Variants in TFEC observed in about 807,000 individuals in gnomAD.
The protein encoded by TFEC is class E basic helix-loop-helix protein 34.
TFEC carries 31 observed loss-of-function variants against 41.6 expected under a neutral mutation model. That is an observed-to-expected ratio of 0.74 (90% CI 0.56 to 1.01). TFEC has a LOEUF of 1.01. TFEC is among the 50% of genes least tolerant of loss of function. The pLI is 0.00. For missense variants in TFEC, 402 were observed against 404.1 expected, an observed-to-expected ratio of 0.99 and a Z score of 0.04; for synonymous variants, 143 against 140.6, an observed-to-expected ratio of 1.02 and a Z score of -0.12.
At chr7:115,964,819 A>G (rs971476286) in intron 3 of TFEC, among the ~76,000 whole-genome samples, 3 of 151,630 alleles carry the variant, frequency 2.0e-5, no homozygotes, top group African/African-American at 7.2e-5. Context: ...TTACAGTATC[A>G]GTCTATCTCT....
At chr7:115,976,119 T>C (rs1393267682) in intron 2 of TFEC, among the ~76,000 whole-genome samples, 1 of 152,128 alleles carries the variant, frequency 6.6e-6, no homozygotes, top group African/African-American at 2.4e-5. Flanking sequence ...TTTCATTTAA[T>C]TTTTTTAAAT....
At chr7:116,119,875 A>T (rs1053202699) in intron 1 of TFEC, among the ~76,000 whole-genome samples, 3 of 151,810 alleles carry the variant, frequency 2.0e-5, no homozygotes, top group African/African-American at 7.2e-5. Context: ...TAAATCCAGG[A>T]ATTTCTAAAT....
chr7:116,075,702 C>T (rs1796942546), intron 3 of TFEC, among the ~76,000 whole-genome samples: 1 of 152,102 alleles, frequency 6.6e-6, no homozygotes, highest in Admixed American at 6.5e-5. Context: ...GGAACCACAT[C>T]CTCATCCCCA....
At chr7:115,985,053 T>C (rs1439217123) in intron 1 of TFEC, among the ~76,000 whole-genome samples, 1 of 152,058 alleles carries the variant, frequency 6.6e-6, no homozygotes, top group Non-Finnish European at 1.5e-5. Context: ...TACTTTTCTG[T>C]ACTTCCCTAT....
chr7:116,053,237 T>C (rs987593903), intron 3 of TFEC, among the ~76,000 whole-genome samples: 6 of 152,238 alleles, frequency 3.9e-5, no homozygotes, highest in African/African-American at 1.2e-4. Context: ...GACATGCAAT[T>C]GAATTTCTAG....
At chr7:116,129,217 C>T (rs1418468422) in intron 1 of TFEC, among the ~76,000 whole-genome samples, 1 of 152,130 alleles carries the variant, frequency 6.6e-6, no homozygotes, top group Non-Finnish European at 1.5e-5. Context: ...CCTTCATTCT[C>T]TTGTCCCAAT....
At chr7:116,049,653 C>A (rs1395862310) in intron 3 of TFEC, among the ~76,000 whole-genome samples, 4 of 152,200 alleles carry the variant, frequency 2.6e-5, no homozygotes, top group Non-Finnish European at 5.9e-5. Flanking sequence ...CAGAACTCTC[C>A]ACCACAAATC....
chr7:116,077,911 C>A (rs1796997622), intron 3 of TFEC, among the ~76,000 whole-genome samples: 3 of 151,980 alleles, frequency 2.0e-5, no homozygotes, highest in African/African-American at 7.2e-5. Flanking sequence ...TTAAACTATA[C>A]CCTACAACAA....
intron 3 of TFEC, among the ~76,000 whole-genome samples, chr7:116,061,021 T>C (rs909797217): frequency 7.9e-5 from 12 of 152,168 alleles, no homozygotes; most frequent in Non-Finnish European, 1.3e-4. Context: ...GAAGACTCAA[T>C]GTTACTAAGA....
intron 6 of TFEC, among the ~76,000 whole-genome samples, chr7:115,948,932 T>C (rs1174119483): frequency 1.3e-5 from 2 of 151,568 alleles, no homozygotes; most frequent in African/African-American, 2.4e-5. Flanking sequence ...GATGACATGA[T>C]TGTATATGTA....
chr7:116,097,008 C>T (rs939780606), intron 3 of TFEC, among the ~76,000 whole-genome samples: 1 of 151,280 alleles, frequency 6.6e-6, no homozygotes. Flanking sequence ...GAGAATCGCT[C>T]GAACCAGGGA....
At chr7:115,977,667 T>C (rs1173928567) in intron 2 of TFEC, among the ~76,000 whole-genome samples, 1 of 151,810 alleles carries the variant, frequency 6.6e-6, no homozygotes, top group Non-Finnish European at 1.5e-5. Context: ...TAAAGAACAG[T>C]AAAATGTTTG....
chr7:115,964,417 G>A (rs1792737816), intron 3 of TFEC, among the ~76,000 whole-genome samples: 1 of 151,354 alleles, frequency 6.6e-6, no homozygotes, highest in Admixed American at 6.6e-5. Context: ...ATCATACAAA[G>A]ACATTAGAGG....
At chr7:116,021,058 T>TTA (rs1795376285) in intron 1 of TFEC, among the ~76,000 whole-genome samples, 1 of 152,196 alleles carries the variant, frequency 6.6e-6, no homozygotes, top group Non-Finnish European at 1.5e-5. Context: ...CCTTATGGTG[T>TTA]TATTTTTGTC....
intron 6 of TFEC, among the ~76,000 whole-genome samples, chr7:115,946,733 C>T (rs888526353): frequency 1.4e-4 from 20 of 139,516 alleles, no homozygotes; most frequent in African/African-American, 4.3e-4. Flanking sequence ...TTTTAGAGGT[C>T]GGATCACACC....
chr7:115,993,959 T>A (rs1168282736), intron 1 of TFEC, among the ~76,000 whole-genome samples: 3 of 152,164 alleles, frequency 2.0e-5, no homozygotes, highest in African/African-American at 7.2e-5. Context: ...CAAACTATAC[T>A]ACAAGGCTAC....
chr7:116,151,594 A>C (rs1002260706), intron 1 of TFEC, among the ~76,000 whole-genome samples: 6 of 151,944 alleles, frequency 3.9e-5, no homozygotes, highest in African/African-American at 1.2e-4. Flanking sequence ...TCCTTGTAGT[A>C]GGGTTTGTTT....
chr7:116,130,920 A>G (rs1315264062), intron 1 of TFEC, among the ~76,000 whole-genome samples: 5 of 152,174 alleles, frequency 3.3e-5, no homozygotes, highest in Non-Finnish European at 2.9e-5. Context: ...CTTGCACTAT[A>G]TTTCTCAAAG....
chr7:115,947,432 C>T (rs1791654864), intron 6 of TFEC, among the ~76,000 whole-genome samples: 2 of 151,290 alleles, frequency 1.3e-5, no homozygotes, highest in African/African-American at 2.4e-5. Context: ...TGGGTATATA[C>T]CCAGTAATGG....
Sources: gnomAD v4.1 joint callset for allele counts (sites outside exome capture counted in the v4.1 genomes callset) on GRCh38, gnomAD v4.1.1 for gene constraint, MANE v1.5 for transcripts, NCBI Gene and HGNC (gene_info 2026-07-23, HGNC 2026-07-21) for gene names.